The following PTPRN2 variants were observed in gnomAD, a reference collection of about 807,000 sequenced individuals.
PTPRN2 encodes protein tyrosine phosphatase receptor type N2.
PTPRN2 carries 74 observed loss-of-function variants against 118.8 expected under a neutral mutation model. The observed-to-expected ratio is 0.62, with a 90% CI of 0.52 to 0.76. The LOEUF is 0.76. Among genes scored for constraint, PTPRN2 ranks in the 30% least tolerant of loss-of-function variants. The pLI is 0.00. For synonymous variants in PTPRN2, 641 were observed against 608.0 expected, an observed-to-expected ratio of 1.05 and a Z score of -0.80; for missense variants, 1,481 against 1,394.4, an observed-to-expected ratio of 1.06 and a Z score of -0.99.
At chr7:157,853,678 A>G (rs1584872401) in intron 12 of PTPRN2, among the ~76,000 whole-genome samples, 1 of 152,030 alleles carries the variant, frequency 6.6e-6, no homozygotes, top group South Asian at 2.1e-4. Context: ...ATGTAGAATA[A>G]CCGAGCCACA....
chr7:157,789,497 TG>T (rs1382702531), intron 12 of PTPRN2, among the ~76,000 whole-genome samples: 1 of 152,242 alleles, frequency 6.6e-6, no homozygotes, highest in East Asian at 1.9e-4. Flanking sequence ...GTCAGGTCTC[TG>T]CCGGAGAGAA....
intron 2 of PTPRN2, among the ~76,000 whole-genome samples, chr7:158,422,842 G>T (rs2129423768): frequency 6.6e-6 from 1 of 152,346 alleles, no homozygotes; most frequent in East Asian, 1.9e-4. Context: ...ATCTTCCCGA[G>T]CTCGGCCAGC....
At chr7:158,162,550 A>G (rs1187905903) in intron 6 of PTPRN2, among the ~76,000 whole-genome samples, 1 of 152,068 alleles carries the variant, frequency 6.6e-6, no homozygotes, top group East Asian at 1.9e-4. Context: ...AAGGCAAACT[A>G]TGGAGACAGC....
intron 12 of PTPRN2, among the ~76,000 whole-genome samples, chr7:157,728,251 C>T (rs998010680): frequency 1.2e-4 from 19 of 152,258 alleles, no homozygotes; most frequent in Non-Finnish European, 1.3e-4. Context: ...ATGCCTTGTA[C>T]AGCCTCCTGA....
chr7:157,914,035 A>C (rs1203040166), intron 11 of PTPRN2, among the ~76,000 whole-genome samples: 2 of 152,210 alleles, frequency 1.3e-5, no homozygotes, highest in Admixed American at 6.5e-5. Context: ...ATGTTATCTA[A>C]CATTTCAAAT....
At chr7:157,633,196 A>C (rs1340588987) in intron 14 of PTPRN2, among the ~76,000 whole-genome samples, 1 of 149,866 alleles carries the variant, frequency 6.7e-6, no homozygotes, top group East Asian at 2.0e-4. Flanking sequence ...GCTGGAGTGC[A>C]GTGGTATGAT....
At chr7:158,494,818 G>A (rs73729652) in intron 1 of PTPRN2, among the ~76,000 whole-genome samples, 2,940 of 152,254 alleles carry the variant, frequency 0.019, 113 homozygotes, top group African/African-American at 0.068. Context: ...GGATGCGGGG[G>A]CTTCACCTGT....
At chr7:158,580,474 C>A (rs1478859708) in intron 1 of PTPRN2, among the ~76,000 whole-genome samples, 1 of 152,184 alleles carries the variant, frequency 6.6e-6, no homozygotes, top group African/African-American at 2.4e-5. Flanking sequence ...GCATCAGAAG[C>A]CTTTTCAAAA....
chr7:157,844,431 C>T (rs1808654048), intron 12 of PTPRN2, among the ~76,000 whole-genome samples: 1 of 152,156 alleles, frequency 6.6e-6, no homozygotes, highest in South Asian at 2.1e-4. Flanking sequence ...GAAGAAAGAA[C>T]ACTAGAGCTG....
intron 3 of PTPRN2, among the ~76,000 whole-genome samples, chr7:158,284,767 G>A (rs1279410594): frequency 1.3e-5 from 2 of 152,224 alleles, no homozygotes; most frequent in Non-Finnish European, 2.9e-5. Context: ...GGAGTGAGCA[G>A]GTGCAGGCGA....
Position 157,959,723 on chromosome 7 carries a change from T to A in PTPRN2, c.1724-60986A>T, listed in dbSNP as rs534326908. 1.1e-4 allele frequency among the ~76,000 whole-genome samples: 16 copies of A among 152,324 alleles called. No homozygotes were observed. The South Asian group carries it at 3.1e-3, about 30-fold the overall frequency. On this transcript the variant is annotated intron_variant, in intron 11 of 22. Transcript: ENST00000389418. ...GTGTAAAGAGACTGAAACTCGTGTGTACTCCTAGTGGGAATGTAAAATGGT... is the reference window on the plus strand; with the variant it reads ...GTGTAAAGAGACTGAAACTCGTGTGAACTCCTAGTGGGAATGTAAAATGGT...
intron 17 of PTPRN2, among the ~76,000 whole-genome samples, chr7:157,592,944 CTGAA>C (rs1801078449): frequency 7.3e-6 from 1 of 137,304 alleles, no homozygotes; most frequent in Non-Finnish European, 1.5e-5. Flanking sequence ...GTGGCACCTG[CTGAA>C]TGGAGGGTGG....
intron 13 of PTPRN2, 49 bp from the exon 14 acceptor site, chr7:157,656,600 C>T (rs1047343200): frequency 5.5e-6 from 8 of 1,448,896 alleles, no homozygotes; most frequent in Non-Finnish European, 7.4e-6. Context: ...ATTGGGGACA[C>T]CCAGCAGGAC....
chr7:158,518,368 G>A (rs1338463856), intron 1 of PTPRN2, among the ~76,000 whole-genome samples: 2 of 152,258 alleles, frequency 1.3e-5, no homozygotes, highest in African/African-American at 4.8e-5. Context: ...CACGGGGTGG[G>A]AGAAGGATAT....
rs1805316648 is a variant in PTPRN2 at position 157,801,722 on chromosome 7, G to T, written c.1788+96951C>A. Among the ~76,000 whole-genome samples, 1 of 152,160 alleles carries T rather than the reference G, an allele frequency of 6.6e-6. No homozygotes were observed. Among genetic ancestry groups the T allele is most frequent in the South Asian group, 2.1e-4 (1 of 4,824 alleles). On this transcript the variant is annotated intron_variant, in intron 12 of 22. Transcript: ENST00000389418. The surrounding 1 kb of genome is among the most constrained non-coding windows in gnomAD (Gnocchi z 4.2). The stretch of plus-strand genomic sequence containing the variant: ...TATTTAAGAAAAATTCACAGGAGAG[G>T]CGGCTGCTGAATGCCTCCACCGAGG...
intron 4 of PTPRN2, among the ~76,000 whole-genome samples, chr7:158,194,036 C>T (rs945889375): frequency 2.6e-5 from 4 of 152,052 alleles, no homozygotes; most frequent in Non-Finnish European, 2.9e-5. Flanking sequence ...CAGTAAGCTA[C>T]GATAGCGCCG....
At chr7:157,672,703 G>A (rs768008914) in intron 13 of PTPRN2, among the ~76,000 whole-genome samples, 2 of 152,232 alleles carry the variant, frequency 1.3e-5, no homozygotes, top group Non-Finnish European at 2.9e-5. Flanking sequence ...ATCAATGTGA[G>A]AATAGTCCCA....
intron 3 of PTPRN2, among the ~76,000 whole-genome samples, chr7:158,214,709 G>A (rs1175154485): frequency 6.6e-6 from 1 of 152,076 alleles, no homozygotes; most frequent in Non-Finnish European, 1.5e-5. Flanking sequence ...CACAACCCCT[G>A]CAGTGCCAGC....
intron 2 of PTPRN2, among the ~76,000 whole-genome samples, chr7:158,488,814 A>G (rs1258357376): frequency 1.3e-5 from 2 of 152,248 alleles, no homozygotes; most frequent in Non-Finnish European, 2.9e-5. Context: ...GGGGAAAGAG[A>G]AGGCCTCGCT....
Sources: allele counts gnomAD v4.1 joint callset (sites outside exome capture counted in the v4.1 genomes callset), GRCh38; gene constraint gnomAD v4.1.1; non-coding constraint Gnocchi (gnomAD v3.1); transcripts MANE v1.5; gene names NCBI Gene and HGNC (gene_info 2026-07-23, HGNC 2026-07-21).